Variants in RAPGEF2 observed in about 807,000 individuals in gnomAD.
The protein encoded by RAPGEF2 is Rap guanine nucleotide exchange factor 2, also known as PDZ domain containing guanine nucleotide exchange factor (GEF) 1.
Under a neutral mutation model 186.7 loss-of-function variants are expected in RAPGEF2, and 54 were observed. The observed-to-expected ratio is 0.29, with a 90% CI of 0.23 to 0.36. The LOEUF (loss-of-function observed/expected upper bound fraction) is 0.36. Among genes scored for constraint, RAPGEF2 ranks in the 10% least tolerant of loss-of-function variants. The probability of loss-of-function intolerance (pLI) is 1.00; values close to 1 mark genes in which losing one functional copy is unlikely to be tolerated. For missense variants in RAPGEF2, 1,532 were observed against 2,045.0 expected, an observed-to-expected ratio of 0.75 and a Z score of 4.84; for synonymous variants, 712 against 705.9, an observed-to-expected ratio of 1.01 and a Z score of -0.14.
chr4:159,304,764 G>A (rs1314791879), intron 8 of RAPGEF2, among the ~76,000 whole-genome samples: 1 of 152,058 alleles, frequency 6.6e-6, no homozygotes, highest in African/African-American at 2.4e-5. Context: ...TAGTGGTGAA[G>A]TCAGGGCTTT....
chr4:159,158,647 A>G (rs927067429), intron 1 of RAPGEF2, among the ~76,000 whole-genome samples: 2 of 152,222 alleles, frequency 1.3e-5, no homozygotes, highest in African/African-American at 4.8e-5. Context: ...AAACAAAAAA[A>G]AAGTTCAGAG....
chr4:159,273,634 CTTTCTTTCTTTCTT>C lies in RAPGEF2; in HGVS notation c.543+29845_543+29858del, dbSNP rs1758410651. ...AGTAAGATCAGTAATCAGTTTCTTT[CTTTCTTTCTTTCTT>C]TCTTTCTTTCTTTCTTTCTTTCTTT... On this transcript the variant is annotated intron_variant, in intron 7 of 29. Coordinates refer to ENST00000691494, the MANE Select transcript of RAPGEF2 (RefSeq NM_001394067.2). Among the ~76,000 whole-genome samples, 4 of 25,538 alleles carry C rather than the reference CTTTCTTTCTTTCTT, an allele frequency of 1.6e-4. No individual in the cohort carries two copies. In the South Asian group the frequency reaches 5.1e-3, roughly 33 times the overall value. 16.8% of individuals were successfully genotyped at this position (25,538 alleles called of 152,430 possible).
intron 9 of RAPGEF2, among the ~76,000 whole-genome samples, chr4:159,321,750 T>C (rs1765259058): frequency 6.6e-6 from 1 of 152,196 alleles, no homozygotes; most frequent in South Asian, 2.1e-4. Context: ...CTCCAAAGCA[T>C]TCCCATAGGA....
chr4:159,126,309 A>G (rs967654933), intron 1 of RAPGEF2, among the ~76,000 whole-genome samples: 1 of 152,180 alleles, frequency 6.6e-6, no homozygotes, highest in Admixed American at 6.5e-5. Context: ...GAAACAAAAT[A>G]CAAAATAGCA....
chr4:159,209,824 T>G (rs923403493), intron 3 of RAPGEF2, among the ~76,000 whole-genome samples: 1 of 152,234 alleles, frequency 6.6e-6, no homozygotes, highest in Non-Finnish European at 1.5e-5. Flanking sequence ...TTTATTTGTT[T>G]TTATATAATT....
chr4:159,218,189 G>T (rs1391279066), intron 4 of RAPGEF2, among the ~76,000 whole-genome samples: 1 of 152,192 alleles, frequency 6.6e-6, no homozygotes, highest in East Asian at 1.9e-4. Context: ...TCTGGAAGTT[G>T]TGTATTCACG....
intron 1 of RAPGEF2, among the ~76,000 whole-genome samples, chr4:159,167,021 A>G (rs937341415): frequency 2.0e-5 from 3 of 151,818 alleles, no homozygotes; most frequent in Non-Finnish European, 4.4e-5. Flanking sequence ...TAATTGGTTT[A>G]TGTTGTACAT....
chr4:159,336,724 A>G (rs1049862966), intron 17 of RAPGEF2, among the ~76,000 whole-genome samples: 3 of 151,936 alleles, frequency 2.0e-5, no homozygotes, highest in Non-Finnish European at 4.4e-5. Context: ...TTACCTTTAT[A>G]ATTTCCATTT....
At chr4:159,112,695 A>C (rs576993284) in intron 1 of RAPGEF2, among the ~76,000 whole-genome samples, 1 of 152,222 alleles carries the variant, frequency 6.6e-6, no homozygotes, top group South Asian at 2.1e-4. Flanking sequence ...GAAAATCACC[A>C]GCAGGTAAAC....
intron 7 of RAPGEF2, among the ~76,000 whole-genome samples, chr4:159,293,561 TCA>T (rs1159548698): frequency 2.0e-5 from 3 of 152,230 alleles, no homozygotes; most frequent in Non-Finnish European, 2.9e-5. Flanking sequence ...GCCTACTTCT[TCA>T]TAAGGAATTT....
intron 1 of RAPGEF2, among the ~76,000 whole-genome samples, chr4:159,181,397 T>C (rs988345844): frequency 2.0e-4 from 31 of 152,188 alleles, no homozygotes; most frequent in African/African-American, 7.0e-4. Flanking sequence ...CTGGTCAGTG[T>C]GAATTTATTT....
intron 24 of RAPGEF2, 123 bp downstream of exon 24, chr4:159,345,452 T>C: frequency 6.2e-6 from 5 of 800,482 alleles, no homozygotes; most frequent in South Asian, 1.7e-5. Flanking sequence ...TCCTGAGATA[T>C]ACTAGTCTTT....
chr4:159,346,976 C>T lies in RAPGEF2; in HGVS notation c.3690C>T (p.Pro1230=), dbSNP rs376475495. ...TTTATCCTTCACGGAAGAAAGTGCC[C>T]GTAAAGGATCTCCCACCTTTTGGTA... ...VSLYPSRKKV[P]VKDLPPFGIN... The change falls in exon 25 of 30, where the codon CCC becomes CCT. Residue 1230 remains proline (P), a synonymous_variant. Coordinates refer to ENST00000691494, the MANE Select transcript of RAPGEF2 (RefSeq NM_001394067.2). 2.5e-5 allele frequency: 40 copies of T among 1,613,722 alleles called. No individual in the cohort carries two copies. Among genetic ancestry groups the T allele is most frequent in the Middle Eastern group, 1.6e-4 (1 of 6,084 alleles).
intron 7 of RAPGEF2, among the ~76,000 whole-genome samples, chr4:159,253,921 G>C (rs1203195469): frequency 6.6e-6 from 1 of 152,010 alleles, no homozygotes; most frequent in East Asian, 1.9e-4. Context: ...TGAGCCTGGG[G>C]AACAGAGCGA....
At position 159,359,873 on chromosome 4, in the gene RAPGEF2, A is replaced by G. The variant is rs530031095; in HGVS notation, c.*1734A>G. The G allele has an allele frequency of 6.6e-6, 1 of 152,336 alleles. No homozygotes were observed. Among genetic ancestry groups the G allele is most frequent in the South Asian group, 2.1e-4 (1 of 4,828 alleles). 9.4% of individuals were successfully genotyped at this position (152,336 alleles called of 1,614,324 possible). A position where few individuals can be genotyped will look rare whatever the true frequency, so the allele number is the denominator to read the frequency against. Reference sequence around the variant, plus strand: ...CAAGTTGCACAAATGTTATCTAAGCATTAAGTAATTGTAGAACATAGGACT... The same window carrying G: ...CAAGTTGCACAAATGTTATCTAAGCGTTAAGTAATTGTAGAACATAGGACT... On this transcript the variant is annotated 3_prime_UTR_variant, in exon 30 of 30. Transcript: ENST00000691494.
chr4:159,335,826 A>G (rs1269130441), intron 17 of RAPGEF2, among the ~76,000 whole-genome samples: 2 of 123,374 alleles, frequency 1.6e-5, no homozygotes. Flanking sequence ...ACAGAGGGAG[A>G]CTCCGTCTCA....
Position 159,359,803 on chromosome 4 carries a change from A to G in RAPGEF2, c.*1664A>G, listed in dbSNP as rs148204572. 4 of 152,320 alleles carry G rather than the reference A, an allele frequency of 2.6e-5. No individual in the cohort carries two copies. The highest frequency in any genetic ancestry group is 4.8e-5 in the African/African-American group (2 of 41,564). 9.4% of individuals were successfully genotyped at this position (152,320 alleles called of 1,614,324 possible). On this transcript the variant is annotated 3_prime_UTR_variant, in exon 30 of 30. Transcript: ENST00000691494. ...ATTTGCCAGTTTTATTATATAGGCTATGGACCTCATGTGCATATAGAAAGA... is the reference window on the plus strand; with the variant it reads ...ATTTGCCAGTTTTATTATATAGGCTGTGGACCTCATGTGCATATAGAAAGA...
chr4:159,330,561 T>C (rs1296310598), intron 13 of RAPGEF2, 63 bp downstream of exon 13: 1 of 1,191,146 alleles, frequency 8.4e-7, no homozygotes, highest in Non-Finnish European at 1.2e-6. Context: ...TACTTTAATG[T>C]GTATATTTGT....
At position 159,339,370 on chromosome 4, in the gene RAPGEF2, C is replaced by T. The variant is rs770782901; in HGVS notation, c.2534+16C>T. ...TGAGTGGAAGGTATATATTATCTAC[C>T]TTACTGGATTTCTTTGTCCCCTCTT... On this transcript the variant is annotated intron_variant, in intron 19 of 29. Transcript: ENST00000691494. The T allele has an allele frequency of 2.5e-6, 4 of 1,601,050 alleles. No individual in the cohort carries two copies. Among genetic ancestry groups the T allele is most frequent in the Non-Finnish European group, 3.4e-6 (4 of 1,170,716 alleles).
Sources: allele counts gnomAD v4.1 joint callset (sites outside exome capture counted in the v4.1 genomes callset), GRCh38; gene constraint gnomAD v4.1.1; transcripts MANE v1.5; gene names NCBI Gene and HGNC (gene_info 2026-07-23, HGNC 2026-07-21).